The following ACOXL variants were observed in gnomAD, a reference collection of about 807,000 sequenced individuals.
The protein encoded by ACOXL is acyl-CoA oxidase like, also known as acyl-coenzyme A oxidase-like protein.
Under a neutral mutation model 71.9 loss-of-function variants are expected in ACOXL, and 70 were observed. The observed-to-expected ratio is 0.97, with a 90% CI of 0.80 to 1.19. The LOEUF is 1.19. Among genes scored for constraint, ACOXL ranks in the 50% most tolerant of loss-of-function variants. The pLI, the probability that ACOXL is intolerant of heterozygous loss-of-function variation, is 0.00. For synonymous variants in ACOXL, 253 were observed against 281.6 expected (o/e 0.90, Z 1.02); for missense variants, 703 against 736.3 (o/e 0.95, Z 0.52).
At chr2:111,076,411 T>A (rs1054699753) in intron 16 of ACOXL, among the ~76,000 whole-genome samples, 8 of 152,198 alleles carry the variant, frequency 5.3e-5, no homozygotes, top group African/African-American at 1.9e-4. Flanking sequence ...ATATAAATAC[T>A]GCAGGCTTAT....
intron 17 of ACOXL, among the ~76,000 whole-genome samples, chr2:111,113,549 G>T (rs62163307): frequency 3.3e-5 from 5 of 152,192 alleles, no homozygotes; most frequent in Non-Finnish European, 7.3e-5. Flanking sequence ...CTGGCCCTCC[G>T]GGATGGAATG....
intron 11 of ACOXL, among the ~76,000 whole-genome samples, chr2:110,927,200 A>G (rs1360730409): frequency 6.6e-6 from 1 of 152,006 alleles, no homozygotes. Flanking sequence ...ATGAGAACTC[A>G]CTCACTATCA....
intron 12 of ACOXL, among the ~76,000 whole-genome samples, chr2:110,957,788 G>A (rs1315343020): frequency 6.6e-6 from 1 of 152,158 alleles, no homozygotes; most frequent in Non-Finnish European, 1.5e-5. Context: ...CAGGGGTGCT[G>A]GCTTATGCCG....
intron 13 of ACOXL, among the ~76,000 whole-genome samples, chr2:110,992,407 G>C (rs1397518785): frequency 6.6e-6 from 1 of 152,216 alleles, no homozygotes; most frequent in East Asian, 1.9e-4. Flanking sequence ...GCAGTTACTA[G>C]GGGCTCTGTC....
intron 1 of ACOXL, among the ~76,000 whole-genome samples, chr2:110,754,516 T>A (rs965731650): frequency 6.6e-6 from 1 of 152,242 alleles, no homozygotes; most frequent in African/African-American, 2.4e-5. Flanking sequence ...GCAACTGATA[T>A]GTTCTCCATT....
chr2:110,892,636 T>C (rs959087056), intron 10 of ACOXL, among the ~76,000 whole-genome samples: 20 of 152,214 alleles, frequency 1.3e-4, no homozygotes, highest in Non-Finnish European at 7.3e-5. Context: ...ACACATATTC[T>C]GTTGCCAGCA....
At chr2:110,788,024 A>G (rs1314959873) in intron 3 of ACOXL, among the ~76,000 whole-genome samples, 2 of 152,250 alleles carry the variant, frequency 1.3e-5, no homozygotes, top group African/African-American at 4.8e-5. Flanking sequence ...TTGGTACATA[A>G]TAGGTGTCAA....
At chr2:110,999,958 T>G (rs906591119) in intron 14 of ACOXL, among the ~76,000 whole-genome samples, 1 of 152,162 alleles carries the variant, frequency 6.6e-6, no homozygotes, top group Non-Finnish European at 1.5e-5. Context: ...CTTGGTGTAA[T>G]CCACTAGGTT....
At chr2:111,116,744 A>C (rs898518037) in intron 17 of ACOXL, among the ~76,000 whole-genome samples, 3 of 138,760 alleles carry the variant, frequency 2.2e-5, no homozygotes, top group African/African-American at 5.4e-5. Flanking sequence ...AGAAGAAAAG[A>C]AAGCCGTCCC....
At chr2:111,019,613 G>A (rs41420847) in intron 14 of ACOXL, among the ~76,000 whole-genome samples, 2,931 of 152,276 alleles carry the variant, frequency 0.019, 88 homozygotes, top group African/African-American at 0.067. Context: ...AACACGTACC[G>A]TTTCCCACTC....
chr2:110,889,313 AT>A (rs68140065), intron 10 of ACOXL, among the ~76,000 whole-genome samples: 47,397 of 151,952 alleles, frequency 0.31, 7,754 homozygotes, highest in Middle Eastern at 0.38. Flanking sequence ...ACCCCAACTA[AT>A]TTTTTTTAAA....
At chr2:110,819,362 C>T (rs868671648) in intron 9 of ACOXL, among the ~76,000 whole-genome samples, 61 of 152,180 alleles carry the variant, frequency 4.0e-4, no homozygotes, top group African/African-American at 1.3e-3. Flanking sequence ...ACATGGAGAA[C>T]GCAGAGGAGG....
At chr2:110,764,498 CAG>C (rs1559231597) in intron 1 of ACOXL, among the ~76,000 whole-genome samples, 1 of 152,092 alleles carries the variant, frequency 6.6e-6, no homozygotes, top group South Asian at 2.1e-4. Flanking sequence ...CAGTGGCTGT[CAG>C]GGGTTGGGGG....
In ACOXL at chr2:110,870,668, C is replaced by T. The variant is rs140513711; in HGVS notation, c.788+29263C>T. Among the ~76,000 whole-genome samples the T allele has an allele frequency of 2.2e-3, 331 of 152,348 alleles. 3 individuals carry two copies. Among genetic ancestry groups the T allele is most frequent in the Non-Finnish European group, 3.4e-3 (234 of 68,040 alleles). ...CTTTAGGGATGTTCCATACCGTGTA[C>T]ACCTGGTCACCACCCACCCCACACC... On this transcript the variant is annotated intron_variant, in intron 10 of 17. Transcript: ENST00000439055.
intron 9 of ACOXL, among the ~76,000 whole-genome samples, chr2:110,822,865 C>G (rs1385273462): frequency 6.6e-6 from 1 of 152,150 alleles, no homozygotes; most frequent in East Asian, 1.9e-4. Context: ...TTCACCATCT[C>G]TATAGTTTTT....
intron 17 of ACOXL, chr2:111,101,998 A>C (rs2069196436): frequency 6.6e-6 from 1 of 152,620 alleles, no homozygotes; most frequent in Non-Finnish European, 1.5e-5. Context: ...CTCCTGGTTC[A>C]CCACCTCTTG....
chr2:111,031,694 C>T lies in ACOXL; in HGVS notation c.1349C>T (p.Ser450Phe). The change falls in exon 15 of 18, where the codon TCC becomes TTC. Residue 450 changes from serine to phenylalanine, a missense_variant. Physicochemically the swap from Ser to Phe is radical, Grantham distance 155. Coordinates refer to ENST00000439055, the MANE Select transcript of ACOXL (RefSeq NM_001142807.4). The part of the protein sequence containing the change: ...NSCLHHVASL[S>F]LAHTHRVTLE... ...TGTCTGCACCACGTGGCTTCTCTGT[C>T]CCTGGCACACACTCACCGAGGTCAG... The T allele has an allele frequency of 6.2e-7, 1 of 1,614,152 alleles. No homozygotes were observed. The highest frequency in any genetic ancestry group is 1.7e-5 in the Admixed American group (1 of 60,008).
chr2:111,046,671 T>G (rs899936332), intron 15 of ACOXL, among the ~76,000 whole-genome samples: 1 of 152,126 alleles, frequency 6.6e-6, no homozygotes, highest in African/African-American at 2.4e-5. Flanking sequence ...ATGATTCATT[T>G]ACCTCCCACT....
chr2:110,764,673 C>T (rs527413836), intron 1 of ACOXL, among the ~76,000 whole-genome samples: 8 of 152,168 alleles, frequency 5.3e-5, no homozygotes, highest in South Asian at 2.1e-4. Flanking sequence ...GGGTAATGTA[C>T]GTTCATCAGC....
Sources: allele counts gnomAD v4.1 joint callset (sites outside exome capture counted in the v4.1 genomes callset), GRCh38; gene constraint gnomAD v4.1.1; transcripts MANE v1.5; gene names NCBI Gene and HGNC (gene_info 2026-07-23, HGNC 2026-07-21).